Variants in TWIST2 observed in about 807,000 individuals in gnomAD.
TWIST2 encodes twist family bHLH transcription factor 2.
In TWIST2, 1 loss-of-function variant was observed where a neutral mutation model predicts 11.6. The ratio of observed to expected loss-of-function variants is 0.09; its 90% CI spans 0.03 to 0.41. The LOEUF (loss-of-function observed/expected upper bound fraction) is 0.41, where lower values mean the gene tolerates loss of function less well. Among genes scored for constraint, TWIST2 ranks in the 10% least tolerant of loss-of-function variants. TWIST2 has a pLI of 0.98. For synonymous variants in TWIST2, 87 were observed against 96.6 expected, an observed-to-expected ratio of 0.90 and a Z score of 0.58; for missense variants, 168 against 226.4, an observed-to-expected ratio of 0.74 and a Z score of 1.66.
intron 1 of TWIST2, among the ~76,000 whole-genome samples, chr2:238,905,870 C>CGTGT (rs1170995490): frequency 6.7e-6 from 1 of 149,798 alleles, no homozygotes; most frequent in Admixed American, 6.6e-5. Flanking sequence ...TGTGTGCGTG[C>CGTGT]GTGTGTGTGC....
intron 1 of TWIST2, among the ~76,000 whole-genome samples, chr2:238,865,607 T>G (rs1692516272): frequency 6.6e-6 from 1 of 152,112 alleles, no homozygotes; most frequent in Non-Finnish European, 1.5e-5. Flanking sequence ...TCTCCTGGCT[T>G]TGGGTGGCCC....
At chr2:238,883,582 A>T (rs1306189880) in intron 1 of TWIST2, among the ~76,000 whole-genome samples, 1 of 152,206 alleles carries the variant, frequency 6.6e-6, no homozygotes, top group Non-Finnish European at 1.5e-5. Context: ...CTCCAATAGA[A>T]GGAGAAGGAT....
At chr2:238,874,584 G>C (rs577718762) in intron 1 of TWIST2, among the ~76,000 whole-genome samples, 2 of 152,254 alleles carry the variant, frequency 1.3e-5, no homozygotes, top group South Asian at 4.2e-4. Context: ...CCACCTCCTG[G>C]CCACTAAAAA....
intron 1 of TWIST2, among the ~76,000 whole-genome samples, chr2:238,900,954 T>C (rs1432357969): frequency 6.6e-6 from 1 of 151,766 alleles, no homozygotes; most frequent in Non-Finnish European, 1.5e-5. Flanking sequence ...TTTCTGATCG[T>C]TTCTGCCCTA....
At chr2:238,859,030 G>A (rs994703308) in intron 1 of TWIST2, among the ~76,000 whole-genome samples, 1 of 152,030 alleles carries the variant, frequency 6.6e-6, no homozygotes, top group African/African-American at 2.4e-5. Context: ...TGGCCAACAT[G>A]GTGAAACCTC....
intron 1 of TWIST2, among the ~76,000 whole-genome samples, chr2:238,878,739 G>A (rs146153555): frequency 1.3e-3 from 196 of 152,094 alleles, no homozygotes; most frequent in African/African-American, 4.5e-3. Flanking sequence ...AAACACAGGC[G>A]CTAATAACTG....
intron 1 of TWIST2, among the ~76,000 whole-genome samples, chr2:238,868,176 G>C (rs1298295248): frequency 6.6e-6 from 1 of 152,138 alleles, no homozygotes; most frequent in African/African-American, 2.4e-5. Flanking sequence ...ACCTGCCCAG[G>C]AGGTCAGGCT....
At chr2:238,894,689 A>C (rs1693187022) in intron 1 of TWIST2, among the ~76,000 whole-genome samples, 1 of 149,406 alleles carries the variant, frequency 6.7e-6, no homozygotes, top group Non-Finnish European at 1.5e-5. Flanking sequence ...CCCTCTCCCC[A>C]CCTTCCTGGC....
At chr2:238,885,951 C>T (rs1314235371) in intron 1 of TWIST2, among the ~76,000 whole-genome samples, 1 of 152,008 alleles carries the variant, frequency 6.6e-6, no homozygotes, top group African/African-American at 2.4e-5. Flanking sequence ...CAAAAATTAT[C>T]TGGGCATGGT....
At chr2:238,859,949 C>T (rs1453262474) in intron 1 of TWIST2, among the ~76,000 whole-genome samples, 5 of 152,128 alleles carry the variant, frequency 3.3e-5, no homozygotes, top group South Asian at 2.1e-4. Flanking sequence ...GAGGGATTCA[C>T]GCTAAGCCTC....
At chr2:238,904,790 AAAG>A (rs1693321544) in intron 1 of TWIST2, among the ~76,000 whole-genome samples, 2 of 152,056 alleles carry the variant, frequency 1.3e-5, no homozygotes, top group South Asian at 2.1e-4. Context: ...GGGAGGAAAG[AAAG>A]AAGGGAGGAA....
At chr2:238,850,002 G>T (rs1692217444) in intron 1 of TWIST2, among the ~76,000 whole-genome samples, 1 of 152,202 alleles carries the variant, frequency 6.6e-6, no homozygotes, top group Admixed American at 6.5e-5. Flanking sequence ...GCACCCGGCC[G>T]CCTATTCTCC....
rs1423385506 is a variant in TWIST2 at position 238,900,600 on chromosome 2, C to T, written c.*36-9242C>T. On this transcript the variant is annotated intron_variant, in intron 1 of 1. Transcript: ENST00000612363. ...CAGCTGCTGAGCGGTGCACATTCTG[C>T]AGCTGCATTGCTTCTCTCGCTCTCC... Among the ~76,000 whole-genome samples, 18 of 152,350 alleles carry T rather than the reference C, an allele frequency of 1.2e-4. No homozygotes were observed. In the East Asian group the frequency reaches 3.3e-3, roughly 28 times the overall value.
chr2:238,852,805 A>G (rs1692264918), intron 1 of TWIST2, among the ~76,000 whole-genome samples: 1 of 152,248 alleles, frequency 6.6e-6, no homozygotes, highest in Non-Finnish European at 1.5e-5. Flanking sequence ...GAAGGGAGTG[A>G]AGATATGAGA....
intron 1 of TWIST2, among the ~76,000 whole-genome samples, chr2:238,900,661 G>A (rs930135697): frequency 2.6e-5 from 4 of 152,086 alleles, no homozygotes; most frequent in Admixed American, 6.5e-5. Flanking sequence ...ATGGACTTTC[G>A]GGGCTGCCCT....
rs145156607 is a variant in TWIST2, at chr2:238,864,424, G to T, written c.*35+15691G>T. Among the ~76,000 whole-genome samples the T allele has an allele frequency of 6.6e-6, 1 of 152,194 alleles. No individual in the cohort carries two copies. Among genetic ancestry groups the T allele is most frequent in the Non-Finnish European group, 1.5e-5 (1 of 68,040 alleles). ...CTGGGAGCAGGAGTGACTCAGAGCC[G>T]TGGCTTTTTGTCCTCTGGCTGTGCA... On this transcript the variant is annotated intron_variant, in intron 1 of 1. Coordinates refer to ENST00000612363, the MANE Select transcript of TWIST2 (RefSeq NM_001271893.4). The surrounding 1 kb of genome is among the most constrained non-coding windows in gnomAD (Gnocchi z 4.7).
Position 238,867,370 on chromosome 2 carries a change from A to AACACACACACACACACACACACACACAC in TWIST2, c.*35+18652_*35+18679dup, listed in dbSNP as rs1229428285. ...CTGGGGAGTAAAATGTCCTGCCTTC[A>AACACACACACACACACACACACACACAC]ACACACACACACACACACACACACA... On this transcript the variant is annotated intron_variant, in intron 1 of 1. Transcript: ENST00000612363. The surrounding 1 kb of genome is among the most constrained non-coding windows in gnomAD (Gnocchi z 4.8). Among the ~76,000 whole-genome samples the AACACACACACACACACACACACACACAC allele has an allele frequency of 5.0e-5, 6 of 119,634 alleles. No homozygotes were observed. The highest frequency in any genetic ancestry group is 8.5e-5 in the Non-Finnish European group (5 of 58,886). 78.5% of individuals were successfully genotyped at this position (119,634 alleles called of 152,430 possible).
rs928938250 is a variant in TWIST2 at position 238,897,402 on chromosome 2, C to A, written c.*36-12440C>A. 2.1e-3 allele frequency among the ~76,000 whole-genome samples: 314 copies of A among 152,254 alleles called. 2 individuals carry two copies. Among genetic ancestry groups the A allele is most frequent in the African/African-American group, 7.1e-3 (293 of 41,550 alleles). On this transcript the variant is annotated intron_variant, in intron 1 of 1. Coordinates refer to ENST00000612363, the MANE Select transcript of TWIST2 (RefSeq NM_001271893.4). ...GAGGGGAGCCTGACCCCCAAGGACA[C>A]CTGCCTTTTTACCAAGTGGGACCCC...
rs765025630 is a variant in TWIST2 at position 238,848,506 on chromosome 2, C to T, written c.291C>T (p.Pro97=). ...TGCGCAAGATCATCCCCACGCTGCC[C>T]TCTGACAAGCTGAGCAAGATCCAGA... The part of the protein sequence containing the change: ...AALRKIIPTL[P]SDKLSKIQTL... Residue 97 remains proline (P), a synonymous_variant, in exon 1 of 2, where the codon CCC becomes CCT. Transcript: ENST00000612363. 3.1e-5 allele frequency: 50 copies of T among 1,589,278 alleles called. No homozygotes were observed. The highest frequency in any genetic ancestry group is 4.3e-5 in the Non-Finnish European group (50 of 1,169,350).
Sources: allele counts gnomAD v4.1 joint callset (sites outside exome capture counted in the v4.1 genomes callset), GRCh38; gene constraint gnomAD v4.1.1; non-coding constraint Gnocchi (gnomAD v3.1); transcripts MANE v1.5; gene names NCBI Gene and HGNC (gene_info 2026-07-23, HGNC 2026-07-21).